Variants in KCTD11 observed in about 807,000 individuals in gnomAD.
KCTD11 encodes the protein potassium channel tetramerization domain containing 11, also known as BTB/POZ domain-containing protein KCTD11.
A neutral mutation model predicts 10.7 loss-of-function variants in KCTD11; 8 were observed. The observed-to-expected ratio is 0.74, with a 90% CI of 0.44 to 1.34. The LOEUF (loss-of-function observed/expected upper bound fraction) is 1.34, where lower values mean the gene tolerates loss of function less well. KCTD11 is among the 40% of genes most tolerant of loss of function. The probability of loss-of-function intolerance (pLI) is 0.01; values close to 1 mark genes in which losing one functional copy is unlikely to be tolerated. For missense variants in KCTD11, 346 were observed against 356.1 expected (o/e 0.97, Z 0.23); for synonymous variants, 153 against 160.8 (o/e 0.95, Z 0.37).
In KCTD11 at chr17:7,352,971, C is replaced by T. The variant is rs781198132; in HGVS notation, c.146C>T (p.Thr49Ile). 4 of 1,597,128 alleles carry T rather than the reference C, an allele frequency of 2.5e-6. No homozygotes were observed. The highest frequency in any genetic ancestry group is 1.7e-6 in the Non-Finnish European group (2 of 1,168,316). The change falls in exon 1 of 1, where the codon ACC becomes ATC. Residue 49 changes from threonine (T) to isoleucine (I), a missense_variant. Coordinates refer to ENST00000333751, the MANE Select transcript of KCTD11 (RefSeq NM_001363642.1). The surrounding 1 kb of genome is among the most constrained non-coding windows in gnomAD (Gnocchi z 4.5). ...CTGGGGGCCATGTTTAGGGCCGGCA[C>T]CCCCATGCCCCCCAACCTCAATTCC...
Position 7,353,259 on chromosome 17 carries a change from G to T in KCTD11, c.434G>T (p.Arg145Leu), listed in dbSNP as rs761434096. The T allele has an allele frequency of 1.9e-6, 3 of 1,613,806 alleles. No homozygotes were observed. The highest frequency in any genetic ancestry group is 1.3e-5 in the African/African-American group (1 of 75,068). ...CCCCGCCTGGTGCACTTCTCTGCTC[G>T]CCGGGGACCCCATCACTATGAGCTG... Residue 145 changes from arginine to leucine, a missense_variant, in exon 1 of 1, where the codon CGC becomes CTC. Transcript: ENST00000333751. The surrounding 1 kb of genome is among the most constrained non-coding windows in gnomAD (Gnocchi z 4.9).
Position 7,352,972 on chromosome 17 carries a change from C to A in KCTD11, c.147C>A (p.Thr49=). 1 of 1,598,268 alleles carries A rather than the reference C, an allele frequency of 6.3e-7. No homozygotes were observed. The highest frequency in any genetic ancestry group is 8.6e-7 in the Non-Finnish European group (1 of 1,169,072). Reference sequence around the variant, plus strand: ...TGGGGGCCATGTTTAGGGCCGGCACCCCCATGCCCCCCAACCTCAATTCCC... The same window carrying A: ...TGGGGGCCATGTTTAGGGCCGGCACACCCATGCCCCCCAACCTCAATTCCC... The change falls in exon 1 of 1, where the codon ACC becomes ACA. Residue 49 remains threonine, a synonymous_variant. Transcript: ENST00000333751. This position sits in a 1 kb window ranked among gnomAD's most constrained non-coding sequence, Gnocchi z 4.5.
chr17:7,353,772 T>A lies in KCTD11; in HGVS notation c.*131T>A, dbSNP rs2073443403. 1.1e-6 allele frequency: 1 copy of A among 912,118 alleles called. No individual in the cohort carries two copies. The highest frequency in any genetic ancestry group is 1.6e-6 in the Non-Finnish European group (1 of 626,412). The allele number at this position is 912,118 out of a possible 1,614,324, so 56.5% of individuals were successfully genotyped here. A position where few individuals can be genotyped will look rare whatever the true frequency, so the allele number is the denominator to read the frequency against. ...CCTGCACCTGACTGGAGCTCAGATG[T>A]GGGCAGGAATTCCCAAACCTGAGCC... On this transcript the variant is annotated 3_prime_UTR_variant, in exon 1 of 1. Coordinates refer to ENST00000333751, the MANE Select transcript of KCTD11 (RefSeq NM_001363642.1). The surrounding 1 kb of genome is among the most constrained non-coding windows in gnomAD (Gnocchi z 4.9).
rs1258622338 is a variant in KCTD11, at chr17:7,353,724, G to A, written c.*83G>A. On this transcript the variant is annotated 3_prime_UTR_variant, in exon 1 of 1. Coordinates refer to ENST00000333751, the MANE Select transcript of KCTD11 (RefSeq NM_001363642.1). This position sits in a 1 kb window ranked among gnomAD's most constrained non-coding sequence, Gnocchi z 4.9. ...GAAGCCTCTTTCCAGCTCTGCTTCAGGAGCTATGAGAGTCGGGACTCTCCT... is the reference window on the plus strand; with the variant it reads ...GAAGCCTCTTTCCAGCTCTGCTTCAAGAGCTATGAGAGTCGGGACTCTCCT... 6 of 1,328,250 alleles carry A rather than the reference G, an allele frequency of 4.5e-6. No individual in the cohort carries two copies. Among genetic ancestry groups the A allele is most frequent in the Non-Finnish European group, 4.1e-6 (4 of 978,092 alleles). The allele number at this position is 1,328,250 out of a possible 1,614,324, so 82.3% of individuals were successfully genotyped here.
rs1219428124 is a variant in KCTD11 at position 7,354,596 on chromosome 17, AGGGGCCTGTTG to A, written c.*959_*969del. The stretch of plus-strand genomic sequence containing the variant: ...GTATATGCATCACCACGTAGCCAGG[AGGGGCCTGTTG>A]GGGTTTGAGTCACTGGGATCTTCCT... On this transcript the variant is annotated 3_prime_UTR_variant, in exon 1 of 1. Coordinates refer to ENST00000333751, the MANE Select transcript of KCTD11 (RefSeq NM_001363642.1). 2 of 167,174 alleles carry A rather than the reference AGGGGCCTGTTG, an allele frequency of 1.2e-5. No homozygotes were observed. The highest frequency in any genetic ancestry group is 3.9e-4 in the East Asian group (2 of 5,174). The allele number at this position is 167,174 out of a possible 1,614,324, so 10.4% of individuals were successfully genotyped here. A position where few individuals can be genotyped will look rare whatever the true frequency, so the allele number is the denominator to read the frequency against.
At position 7,352,868 on chromosome 17, in the gene KCTD11, G is replaced by A. The variant is rs2073426087; in HGVS notation, c.43G>A (p.Gly15Ser). 2.3e-6 allele frequency: 3 copies of A among 1,327,038 alleles called. No individual in the cohort carries two copies. The highest frequency in any genetic ancestry group is 4.5e-5 in the Admixed American group (2 of 44,824). The allele number at this position is 1,327,038 out of a possible 1,614,324, so 82.2% of individuals were successfully genotyped here. A position where few individuals can be genotyped will look rare whatever the true frequency, so the allele number is the denominator to read the frequency against. The change falls in exon 1 of 1, where the codon GGC becomes AGC. Residue 15 changes from glycine (G) to serine (S), a missense_variant. Coordinates refer to ENST00000333751, the MANE Select transcript of KCTD11 (RefSeq NM_001363642.1). This position sits in a 1 kb window ranked among gnomAD's most constrained non-coding sequence, Gnocchi z 4.5. ...GCCCTCTTCGCCCCCCTCCTTTGGG[G>A]GCCCCGTGACCCTGAATGTGGGGGG... is the stretch of plus-strand genomic sequence containing the variant.
Position 7,353,367 on chromosome 17 carries a change from G to C in KCTD11, c.542G>C (p.Gly181Ala). ...CTAGGTGCTTTGCGGGCCCGATTTG[G>C]TGTGGCCAGTGGGGATAGGGCAGAG... The change falls in exon 1 of 1, where the codon GGT becomes GCT. Residue 181 changes from glycine (G) to alanine (A), a missense_variant. Gly to Ala is a moderately conservative substitution (Grantham distance 60). Coordinates refer to ENST00000333751, the MANE Select transcript of KCTD11 (RefSeq NM_001363642.1). This position sits in a 1 kb window ranked among gnomAD's most constrained non-coding sequence, Gnocchi z 4.9. The C allele has an allele frequency of 6.2e-7, 1 of 1,614,106 alleles. No individual in the cohort carries two copies. Among genetic ancestry groups the C allele is most frequent in the Non-Finnish European group, 8.5e-7 (1 of 1,180,030 alleles).
rs992537105 is a variant in KCTD11, at chr17:7,352,761, A to G, written c.-65A>G. On this transcript the variant is annotated 5_prime_UTR_variant, in exon 1 of 1. Transcript: ENST00000333751. This position sits in a 1 kb window ranked among gnomAD's most constrained non-coding sequence, Gnocchi z 4.5. ...CCAGCGAATCTGACAGCTTCGACCC[A>G]ATTCTGCACACACCCAGGAAGTTCT... The G allele has an allele frequency of 3.5e-6, 2 of 567,708 alleles. No homozygotes were observed. The highest frequency in any genetic ancestry group is 4.7e-4 in the Middle Eastern group (1 of 2,144). The allele number at this position is 567,708 out of a possible 1,614,324, so 35.2% of individuals were successfully genotyped here.
Position 7,353,268 on chromosome 17 carries a change from C to T in KCTD11, c.443C>T (p.Pro148Leu). The stretch of plus-strand genomic sequence containing the variant: ...GTGCACTTCTCTGCTCGCCGGGGAC[C>T]CCATCACTATGAGCTGAGCTCCGTC... Residue 148 changes from proline (P) to leucine (L), a missense_variant, in exon 1 of 1, where the codon CCC becomes CTC. Coordinates refer to ENST00000333751, the MANE Select transcript of KCTD11 (RefSeq NM_001363642.1). This position sits in a 1 kb window ranked among gnomAD's most constrained non-coding sequence, Gnocchi z 4.9. The T allele has an allele frequency of 1.2e-6, 2 of 1,614,006 alleles. No homozygotes were observed. The highest frequency in any genetic ancestry group is 1.7e-6 in the Non-Finnish European group (2 of 1,180,054).
In KCTD11 at chr17:7,353,634, G is replaced by C. The variant is rs1227738787; in HGVS notation, c.809G>C (p.Arg270Pro). ...AACTCCAGGTCTCTGCGCTTTGTCC[G>C]GCACTGAGGATGCTGTTCTCAGTTT... is the stretch of plus-strand genomic sequence containing the variant. The change falls in exon 1 of 1, where the codon CGG becomes CCG. Residue 270 changes from arginine (R) to proline (P), a missense_variant. Transcript: ENST00000333751. The surrounding 1 kb of genome is among the most constrained non-coding windows in gnomAD (Gnocchi z 4.9). 6.6e-7 allele frequency: 1 copy of C among 1,515,070 alleles called. No individual in the cohort carries two copies. The highest frequency in any genetic ancestry group is 1.4e-5 in the African/African-American group (1 of 71,638). 93.9% of individuals were successfully genotyped at this position (1,515,070 alleles called of 1,614,324 possible).
rs2073426707 is a variant in KCTD11 at position 7,352,926 on chromosome 17, C to T, written c.101C>T (p.Thr34Ile). 1.3e-6 allele frequency: 2 copies of T among 1,558,420 alleles called. No homozygotes were observed. The highest frequency in any genetic ancestry group is 2.4e-5 in the South Asian group (2 of 84,252). ...TATTCCACCACTTTGGAGACCCTGA[C>T]CCGCTTCCCAGACTCTATGCTGGGG... The change falls in exon 1 of 1, where the codon ACC becomes ATC. Residue 34 changes from threonine (T) to isoleucine (I), a missense_variant. Thr to Ile is a moderately conservative substitution (Grantham distance 89). Transcript: ENST00000333751. The surrounding 1 kb of genome is among the most constrained non-coding windows in gnomAD (Gnocchi z 4.5).
Position 7,353,974 on chromosome 17 carries a change from AC to A in KCTD11, c.*335del, listed in dbSNP as rs1170226511. Reference sequence around the variant, plus strand: ...GGGAACATCTCTTTACCCAGACTAGACCTAGCAAAACCCTGGAAGGATATTG... The same window carrying A: ...GGGAACATCTCTTTACCCAGACTAGACTAGCAAAACCCTGGAAGGATATTG... On this transcript the variant is annotated 3_prime_UTR_variant, in exon 1 of 1. Coordinates refer to ENST00000333751, the MANE Select transcript of KCTD11 (RefSeq NM_001363642.1). This position sits in a 1 kb window ranked among gnomAD's most constrained non-coding sequence, Gnocchi z 4.9. 1 of 262,944 alleles carries A rather than the reference AC, an allele frequency of 3.8e-6. No homozygotes were observed. The highest frequency in any genetic ancestry group is 7.7e-6 in the Non-Finnish European group (1 of 129,164). The allele number at this position is 262,944 out of a possible 1,614,324, so 16.3% of individuals were successfully genotyped here. A position where few individuals can be genotyped will look rare whatever the true frequency, so the allele number is the denominator to read the frequency against.
At position 7,353,561 on chromosome 17, in the gene KCTD11, C is replaced by T. The variant is rs756747361; in HGVS notation, c.736C>T (p.His246Tyr). The change falls in exon 1 of 1, where the codon CAC (histidine) becomes TAC (tyrosine). Residue 246 changes from histidine (H) to tyrosine (Y), a missense_variant. Coordinates refer to ENST00000333751, the MANE Select transcript of KCTD11 (RefSeq NM_001363642.1). This position sits in a 1 kb window ranked among gnomAD's most constrained non-coding sequence, Gnocchi z 4.9. Reference sequence around the variant, plus strand: ...GGAGGTGCTGCGGGTGGCTCTCGAGCACGGCTTCCGACTAGACTCTGTCTT... The same window carrying T: ...GGAGGTGCTGCGGGTGGCTCTCGAGTACGGCTTCCGACTAGACTCTGTCTT... 5 of 1,555,118 alleles carry T rather than the reference C, an allele frequency of 3.2e-6. No individual in the cohort carries two copies. The highest frequency in any genetic ancestry group is 4.3e-6 in the Non-Finnish European group (5 of 1,149,486).
Position 7,353,027 on chromosome 17 carries a change from G to C in KCTD11, c.202G>C (p.Asp68His), listed in dbSNP as rs1292018806. 1 of 1,613,438 alleles carries C rather than the reference G, an allele frequency of 6.2e-7. No homozygotes were observed. Residue 68 changes from aspartate (D) to histidine (H), a missense_variant, in exon 1 of 1, where the codon GAT (aspartate) becomes CAT (histidine). Physicochemically the swap from Asp to His is moderately conservative, Grantham distance 81. Transcript: ENST00000333751. The surrounding 1 kb of genome is among the most constrained non-coding windows in gnomAD (Gnocchi z 4.9). ...AGGCGGCCACTACTTCATCGACCGGGATGGCAAGGCCTTCCGGCACATCCT... is the reference window on the plus strand; with the variant it reads ...AGGCGGCCACTACTTCATCGACCGGCATGGCAAGGCCTTCCGGCACATCCT...
At position 7,352,805 on chromosome 17, in the gene KCTD11, G is replaced by C. The variant is rs2073425451; in HGVS notation, c.-21G>C. 1 of 660,318 alleles carries C rather than the reference G, an allele frequency of 1.5e-6. No individual in the cohort carries two copies. Among genetic ancestry groups the C allele is most frequent in the Admixed American group, 2.6e-5 (1 of 39,202 alleles). The allele number at this position is 660,318 out of a possible 1,614,324, so 40.9% of individuals were successfully genotyped here. On this transcript the variant is annotated 5_prime_UTR_variant, in exon 1 of 1. Coordinates refer to ENST00000333751, the MANE Select transcript of KCTD11 (RefSeq NM_001363642.1). The surrounding 1 kb of genome is among the most constrained non-coding windows in gnomAD (Gnocchi z 4.5). ...AAGTTCTGCCTTTTCTTTTCTTTCG[G>C]TGTCTCCTGTACTTCCCAAAATTTC...
In KCTD11 at chr17:7,352,853, C is replaced by G; in HGVS notation, c.28C>G (p.Pro10Ala). 9.8e-7 allele frequency: 1 copy of G among 1,015,340 alleles called. No homozygotes were observed. 62.9% of individuals were successfully genotyped at this position (1,015,340 alleles called of 1,614,324 possible). A position where few individuals can be genotyped will look rare whatever the true frequency, so the allele number is the denominator to read the frequency against. Residue 10 changes from proline to alanine, a missense_variant, in exon 1 of 1, where the codon CCC (proline) becomes GCC (alanine). Coordinates refer to ENST00000333751, the MANE Select transcript of KCTD11 (RefSeq NM_001363642.1). The surrounding 1 kb of genome is among the most constrained non-coding windows in gnomAD (Gnocchi z 4.5). ...TTCTCCTCCTCCTGTGCCCTCTTCG[C>G]CCCCCTCCTTTGGGGGCCCCGTGAC...
At position 7,353,772 on chromosome 17, in the gene KCTD11, T is replaced by C; in HGVS notation, c.*131T>C. ...CCTGCACCTGACTGGAGCTCAGATG[T>C]GGGCAGGAATTCCCAAACCTGAGCC... On this transcript the variant is annotated 3_prime_UTR_variant, in exon 1 of 1. Transcript: ENST00000333751. The surrounding 1 kb of genome is among the most constrained non-coding windows in gnomAD (Gnocchi z 4.9). 2.2e-6 allele frequency: 2 copies of C among 912,120 alleles called. No individual in the cohort carries two copies. The highest frequency in any genetic ancestry group is 3.2e-6 in the Non-Finnish European group (2 of 626,414). 56.5% of individuals were successfully genotyped at this position (912,120 alleles called of 1,614,324 possible).
rs189717709 is a variant in KCTD11, at chr17:7,352,753, T to G, written c.-73T>G. 9.0e-4 allele frequency: 503 copies of G among 559,060 alleles called. No homozygotes were observed. Among genetic ancestry groups the G allele is most frequent in the African/African-American group, 8.8e-3 (474 of 53,596 alleles). 34.6% of individuals were successfully genotyped at this position (559,060 alleles called of 1,614,324 possible). A position where few individuals can be genotyped will look rare whatever the true frequency, so the allele number is the denominator to read the frequency against. On this transcript the variant is annotated 5_prime_UTR_variant, in exon 1 of 1. Transcript: ENST00000333751. The surrounding 1 kb of genome is among the most constrained non-coding windows in gnomAD (Gnocchi z 4.5). ...CCTCCAACCCAGCGAATCTGACAGC[T>G]TCGACCCAATTCTGCACACACCCAG...
Position 7,353,467 on chromosome 17 carries a change from G to C in KCTD11, c.642G>C (p.Gly214=). The C allele has an allele frequency of 6.2e-7, 1 of 1,608,874 alleles. No individual in the cohort carries two copies. Among genetic ancestry groups the C allele is most frequent in the Non-Finnish European group, 8.5e-7 (1 of 1,177,642 alleles). The change falls in exon 1 of 1, where the codon GGG becomes GGC. Residue 214 remains glycine (G), a synonymous_variant. Transcript: ENST00000333751. The surrounding 1 kb of genome is among the most constrained non-coding windows in gnomAD (Gnocchi z 4.9). ...CCGAGGTGGAGTATGGGAGACTGGG[G>C]CTGCAGCCGCTGTGGACTGGGGGGC...
Sources: gnomAD v4.1 joint callset for allele counts on GRCh38, gnomAD v4.1.1 for gene constraint, Gnocchi (gnomAD v3.1) non-coding constraint, MANE v1.5 for transcripts, NCBI Gene and HGNC (gene_info 2026-07-23, HGNC 2026-07-21) for gene names.